The following PCDHA3 variants were observed in gnomAD, a reference collection of about 807,000 sequenced individuals.
PCDHA3 encodes protocadherin alpha-3.
PCDHA3 carries 41 observed loss-of-function variants against 62.2 expected under a neutral mutation model. The ratio of observed to expected loss-of-function variants is 0.66; its 90% CI spans 0.51 to 0.86. The LOEUF (loss-of-function observed/expected upper bound fraction) is 0.86. PCDHA3 is among the 40% of genes least tolerant of loss of function. The pLI, the probability that PCDHA3 is intolerant of heterozygous loss-of-function variation, is 0.00. For synonymous variants in PCDHA3, 640 were observed against 555.4 expected (o/e 1.15, Z -2.14); for missense variants, 1,304 against 1,241.2 (o/e 1.05, Z -0.76).
chr5:140,816,152 C>T (rs1339858061), intron 1 of PCDHA3: 3 of 152,146 alleles, frequency 2.0e-5, no homozygotes, highest in East Asian at 1.9e-4. Flanking sequence ...GCAGCCTGCT[C>T]GAGGATGTCC....
intron 1 of PCDHA3, chr5:140,836,962 C>T: frequency 2.5e-6 from 1 of 398,834 alleles, no homozygotes; most frequent in Non-Finnish European, 4.4e-6. Flanking sequence ...TTTATGTTGG[C>T]TACTCTCCAT....
chr5:140,964,216 T>C (rs1267795511), intron 1 of PCDHA3, among the ~76,000 whole-genome samples: 1 of 152,214 alleles, frequency 6.6e-6, no homozygotes, highest in Non-Finnish European at 1.5e-5. Context: ...TAGTACAATG[T>C]CTTTCAAAAT....
chr5:140,842,130 A>C (rs2150330073), intron 1 of PCDHA3: 1 of 1,613,892 alleles, frequency 6.2e-7, no homozygotes, highest in Non-Finnish European at 8.5e-7. Flanking sequence ...TCTGATCCGG[A>C]TGAAGGAGCC....
chr5:140,933,753 G>A (rs1554209575), intron 1 of PCDHA3, among the ~76,000 whole-genome samples: 1 of 151,976 alleles, frequency 6.6e-6, no homozygotes. Context: ...GAATTCACTA[G>A]TGAAGCTCTC....
intron 1 of PCDHA3, chr5:140,809,119 C>T: frequency 6.2e-7 from 1 of 1,613,992 alleles, no homozygotes; most frequent in Non-Finnish European, 8.5e-7. Context: ...ACGCTCCGCG[C>T]CACCGCCTAC....
At chr5:140,848,380 T>A in intron 1 of PCDHA3, 1 of 1,186,720 alleles carries the variant, frequency 8.4e-7, no homozygotes, top group Non-Finnish European at 1.2e-6. Context: ...CAATTCTTTT[T>A]CACTCTCTCT....
intron 1 of PCDHA3, chr5:140,841,300 T>C (rs1305687765): frequency 9.6e-6 from 15 of 1,568,478 alleles, no homozygotes; most frequent in African/African-American, 4.1e-5. Flanking sequence ...TAATATTTTC[T>C]GATAGGAAAC....
At position 141,009,997 on chromosome 5, in the gene PCDHA3, A is replaced by C; in HGVS notation, c.*60A>C. 1 of 1,576,442 alleles carries C rather than the reference A, an allele frequency of 6.3e-7. No individual in the cohort carries two copies. The highest frequency in any genetic ancestry group is 2.2e-5 in the East Asian group (1 of 44,650). On this transcript the variant is annotated 3_prime_UTR_variant, in exon 4 of 4. Transcript: ENST00000522353. ...TTTGTAATAATGGCAAATCTCTCCC[A>C]TGTAGCAATTCCCTGCTCCTTTTTC...
intron 1 of PCDHA3, chr5:140,830,263 G>T: frequency 6.2e-7 from 1 of 1,613,640 alleles, no homozygotes; most frequent in African/African-American, 1.3e-5. Flanking sequence ...TGCGGTGCTC[G>T]GCGCCACCCA....
At chr5:140,880,944 G>A (rs1256173059) in intron 1 of PCDHA3, among the ~76,000 whole-genome samples, 2 of 152,198 alleles carry the variant, frequency 1.3e-5, no homozygotes, top group African/African-American at 4.8e-5. Context: ...AATGGAGCAG[G>A]AGAGGATGAT....
chr5:140,853,120 C>T lies in PCDHA3; in HGVS notation c.2394+49529C>T, dbSNP rs1036865431. The T allele has an allele frequency of 1.7e-4, 85 of 494,062 alleles. 4 individuals carry two copies. Among genetic ancestry groups the T allele is most frequent in the Middle Eastern group, 1.0e-3 (1 of 976 alleles). 30.6% of individuals were successfully genotyped at this position (494,062 alleles called of 1,614,324 possible). On this transcript the variant is annotated intron_variant, in intron 1 of 3. Coordinates refer to ENST00000522353, the MANE Select transcript of PCDHA3 (RefSeq NM_018906.3). Reference sequence around the variant, plus strand: ...GGTCTCGATCTCCTGACCTCATGATCCTCCCGCCTCAGCCTCCCAAAATGC... The same window carrying T: ...GGTCTCGATCTCCTGACCTCATGATTCTCCCGCCTCAGCCTCCCAAAATGC...
rs1587841717 is a variant in PCDHA3, at chr5:140,999,568, GA to G, written c.2543-10058del. On this transcript the variant is annotated intron_variant, in intron 3 of 3. Transcript: ENST00000522353. ...ATGAAGAGGGGGTATTTTGAGAAGA[GA>G]CTATAAAGGGAAATTGCCTTCCCTA... Among the ~76,000 whole-genome samples the G allele has an allele frequency of 2.0e-5, 3 of 152,084 alleles. No homozygotes were observed. In the South Asian group the frequency reaches 6.2e-4, roughly 32 times the overall value.
At chr5:140,978,030 A>T (rs2096786422) in intron 1 of PCDHA3, among the ~76,000 whole-genome samples, 1 of 152,194 alleles carries the variant, frequency 6.6e-6, no homozygotes, top group Non-Finnish European at 1.5e-5. Flanking sequence ...GCTTACTGAT[A>T]CAAGACAGTG....
intron 1 of PCDHA3, chr5:140,835,998 G>T (rs2150249955): frequency 1.2e-6 from 2 of 1,613,382 alleles, no homozygotes; most frequent in Non-Finnish European, 1.7e-6. Flanking sequence ...GAGCGCGCGC[G>T]ATGCGGGCGT....
intron 1 of PCDHA3, chr5:140,878,010 A>G: frequency 2.4e-6 from 2 of 839,980 alleles, no homozygotes; most frequent in Non-Finnish European, 3.4e-6. Flanking sequence ...GTCTAACATT[A>G]ATGAAGGAAA....
intron 1 of PCDHA3, among the ~76,000 whole-genome samples, chr5:140,939,879 T>C (rs565550218): frequency 2.0e-5 from 3 of 152,208 alleles, no homozygotes; most frequent in Non-Finnish European, 4.4e-5. Flanking sequence ...CTTTGCTAGT[T>C]GTGTTGTTCA....
chr5:140,999,654 C>A (rs180994815), intron 3 of PCDHA3, among the ~76,000 whole-genome samples: 1 of 152,122 alleles, frequency 6.6e-6, no homozygotes, highest in South Asian at 2.1e-4. Flanking sequence ...AGCCTGAGCC[C>A]TGCTGGGTTG....
chr5:140,843,552 C>G (rs2150362585), intron 1 of PCDHA3: 1 of 1,595,800 alleles, frequency 6.3e-7, no homozygotes, highest in Non-Finnish European at 8.6e-7. Context: ...TGCTCCAGTG[C>G]GGTGGGGAGC....
Position 140,858,184 on chromosome 5 carries a change from G to T in PCDHA3, c.2394+54593G>T, listed in dbSNP as rs782618700. The T allele has an allele frequency of 3.1e-6, 5 of 1,597,468 alleles. 1 individual carries two copies. In the South Asian group the frequency reaches 4.4e-5, roughly 14 times the overall value. Reference sequence around the variant, plus strand: ...CGGTGTCCAGCTTGCTGGTGCTCACGCTGCTGCTGTACACTGCACTGAGGT... The same window carrying T: ...CGGTGTCCAGCTTGCTGGTGCTCACTCTGCTGCTGTACACTGCACTGAGGT... On this transcript the variant is annotated intron_variant, in intron 1 of 3. Transcript: ENST00000522353.
Sources: gnomAD v4.1 joint callset for allele counts (sites outside exome capture counted in the v4.1 genomes callset) on GRCh38, gnomAD v4.1.1 for gene constraint, MANE v1.5 for transcripts, NCBI Gene and HGNC (gene_info 2026-07-23, HGNC 2026-07-21) for gene names.